The following PIEZO2 variants were observed in gnomAD, a reference collection of about 807,000 sequenced individuals.
The protein encoded by PIEZO2 is piezo-type mechanosensitive ion channel component 2.
Under a neutral mutation model 337.3 loss-of-function variants are expected in PIEZO2, and 172 were observed. That is an observed-to-expected ratio of 0.51 (90% CI 0.45 to 0.58). The LOEUF (loss-of-function observed/expected upper bound fraction) is 0.58, where lower values mean the gene tolerates loss of function less well. Among genes scored for constraint, PIEZO2 ranks in the 20% least tolerant of loss-of-function variants. The pLI is 0.00. For missense variants in PIEZO2, 3,028 were observed against 3,391.3 expected, an observed-to-expected ratio of 0.89 and a Z score of 2.66; for synonymous variants, 1,251 against 1,228.5, an observed-to-expected ratio of 1.02 and a Z score of -0.38.
chr18:11,014,965 T>A (rs2036059026), intron 2 of PIEZO2, among the ~76,000 whole-genome samples: 1 of 135,868 alleles, frequency 7.4e-6, no homozygotes, highest in Non-Finnish European at 1.6e-5. Flanking sequence ...CATGTCACCC[T>A]GGGTGGGACA....
chr18:10,905,374 C>G (rs768859169), intron 4 of PIEZO2, among the ~76,000 whole-genome samples: 1 of 151,888 alleles, frequency 6.6e-6, no homozygotes, highest in Non-Finnish European at 1.5e-5. Context: ...ACCTGAGGTC[C>G]GGAGTTTGAG....
intron 21 of PIEZO2, among the ~76,000 whole-genome samples, chr18:10,769,308 G>T (rs1201168142): frequency 6.6e-6 from 1 of 152,166 alleles, no homozygotes; most frequent in African/African-American, 2.4e-5. Flanking sequence ...TTCCCACTTG[G>T]CAATGATTCC....
At chr18:10,839,202 C>G (rs1437056165) in intron 7 of PIEZO2, among the ~76,000 whole-genome samples, 1 of 152,170 alleles carries the variant, frequency 6.6e-6, no homozygotes, top group Non-Finnish European at 1.5e-5. Context: ...AGTCTGCTGG[C>G]CTCAAATCAT....
At chr18:10,812,023 C>CG (rs2040209624) in intron 7 of PIEZO2, among the ~76,000 whole-genome samples, 1 of 152,052 alleles carries the variant, frequency 6.6e-6, no homozygotes, top group South Asian at 2.1e-4. Context: ...TTAGTAGAGA[C>CG]GGGGTTTCAC....
chr18:10,795,314 A>AT lies in PIEZO2; in HGVS notation c.1528-313dup, dbSNP rs67542356. Reference sequence around the variant, plus strand: ...GTTAAGTAGCAAAATGTGTATTCAAATATTTTATTTTATTTTATTTTATTT... The same window carrying AT: ...GTTAAGTAGCAAAATGTGTATTCAAATTATTTTATTTTATTTTATTTTATTT... On this transcript the variant is annotated intron_variant, in intron 12 of 55. Coordinates refer to ENST00000674853, the MANE Select transcript of PIEZO2 (RefSeq NM_001378183.1). The surrounding 1 kb of genome is among the most constrained non-coding windows in gnomAD (Gnocchi z 4.4). Among the ~76,000 whole-genome samples, 14 of 88,450 alleles carry AT rather than the reference A, an allele frequency of 1.6e-4. 1 individual carries two copies. The highest frequency in any genetic ancestry group is 3.7e-4 in the South Asian group (1 of 2,676). The allele number at this position is 88,450 out of a possible 152,430, so 58.0% of individuals were successfully genotyped here. A position where few individuals can be genotyped will look rare whatever the true frequency, so the allele number is the denominator to read the frequency against.
At position 10,707,921 on chromosome 18, in the gene PIEZO2, T is replaced by C. The variant is rs1217320303; in HGVS notation, c.5588+354A>G. On this transcript the variant is annotated intron_variant, in intron 40 of 55. Transcript: ENST00000674853. The surrounding 1 kb of genome is among the most constrained non-coding windows in gnomAD (Gnocchi z 4.2). ...AAGTTTTCTACCTTTGCAAACAGAG[T>C]TCCCCCTTTGAGTAGTGCCCTCAGA... Among the ~76,000 whole-genome samples the C allele has an allele frequency of 6.6e-6, 1 of 152,124 alleles. No homozygotes were observed. The highest frequency in any genetic ancestry group is 1.5e-5 in the Non-Finnish European group (1 of 68,014).
Position 10,789,238 on chromosome 18 carries a change from G to A in PIEZO2, c.2010C>T (p.Asp670=). 1 of 1,537,328 alleles carries A rather than the reference G, an allele frequency of 6.5e-7. No individual in the cohort carries two copies. The highest frequency in any genetic ancestry group is 1.4e-5 in the African/African-American group (1 of 73,178). The change falls in exon 15 of 56, where the codon GAC becomes GAT. Residue 670 remains aspartate, a synonymous_variant. Transcript: ENST00000674853. ...QEEAEEEDEQ[D]IMKVLGNLVV... ...CCAGATTGCCCAGGACTTTCATGAT[G>A]TCCTGCTCATCTTCTTCTTCAGCTT...
At position 10,727,702 on chromosome 18, in the gene PIEZO2, C is replaced by T. The variant is rs968641450; in HGVS notation, c.5029+3705G>A. On this transcript the variant is annotated intron_variant, in intron 36 of 55. Coordinates refer to ENST00000674853, the MANE Select transcript of PIEZO2 (RefSeq NM_001378183.1). This position sits in a 1 kb window ranked among gnomAD's most constrained non-coding sequence, Gnocchi z 6.3. ...AGCCCAAGAGCTCCCTTGGCCCTGT[C>T]CCCACTCCCTCCACTGGCCTCTGCT... 3.3e-5 allele frequency: 5 copies of T among 152,758 alleles called. No homozygotes were observed. The highest frequency in any genetic ancestry group is 5.8e-5 in the Non-Finnish European group (4 of 68,534). The allele number at this position is 152,758 out of a possible 1,614,324, so 9.5% of individuals were successfully genotyped here. A position where few individuals can be genotyped will look rare whatever the true frequency, so the allele number is the denominator to read the frequency against.
rs372697169 is a variant in PIEZO2, at chr18:10,752,717, T to C, written c.4086A>G (p.Lys1362=). 2.0e-6 allele frequency: 3 copies of C among 1,536,932 alleles called. No homozygotes were observed. The African/African-American group carries it at 4.1e-5, about 21-fold the overall frequency. The change falls in exon 28 of 56, where the codon AAA becomes AAG. Residue 1362 remains lysine, a synonymous_variant. Coordinates refer to ENST00000674853, the MANE Select transcript of PIEZO2 (RefSeq NM_001378183.1). ...AGTAGCGCAGGATGCTCTTGATGGG[T>C]TTCAACAGCAAATCGCCCCCAAAGA... ...FLLFGGDLLL[K]PIKSILRYWD...
chr18:11,066,577 G>T (rs1189245505), intron 1 of PIEZO2, among the ~76,000 whole-genome samples: 1 of 152,130 alleles, frequency 6.6e-6, no homozygotes, highest in Non-Finnish European at 1.5e-5. Flanking sequence ...AATGTTATTG[G>T]GGGTGGACTA....
rs1447983432 is a variant in PIEZO2 at position 10,953,007 on chromosome 18, C to T, written c.286+26528G>A. ...ACCTAATGACTGTGATGTTAAACAT[C>T]TTTTAATGTGTTTATTCATCATCTG... On this transcript the variant is annotated intron_variant, in intron 3 of 55. Transcript: ENST00000674853. This position sits in a 1 kb window ranked among gnomAD's most constrained non-coding sequence, Gnocchi z 5.2. Among the ~76,000 whole-genome samples, 1 of 151,440 alleles carries T rather than the reference C, an allele frequency of 6.6e-6. No individual in the cohort carries two copies. The highest frequency in any genetic ancestry group is 1.5e-5 in the Non-Finnish European group (1 of 67,928).
intron 49 of PIEZO2, among the ~76,000 whole-genome samples, chr18:10,684,345 T>G (rs1171417293): frequency 2.6e-5 from 4 of 150,982 alleles, no homozygotes; most frequent in Non-Finnish European, 4.4e-5. Context: ...TTTTGTATTT[T>G]TAGTAGAGAC....
At chr18:10,885,163 G>A (rs1262904342) in intron 4 of PIEZO2, among the ~76,000 whole-genome samples, 1 of 152,150 alleles carries the variant, frequency 6.6e-6, no homozygotes, top group South Asian at 2.1e-4. Flanking sequence ...GGTGGCTCAC[G>A]CCTGTAATCC....
chr18:10,799,144 G>A (rs941737835), intron 11 of PIEZO2, among the ~76,000 whole-genome samples: 1 of 152,226 alleles, frequency 6.6e-6, no homozygotes, highest in African/African-American at 2.4e-5. Flanking sequence ...CTGATAAAGA[G>A]TTATGCGAAA....
chr18:10,898,067 C>A (rs1016303184), intron 4 of PIEZO2, among the ~76,000 whole-genome samples: 3 of 152,208 alleles, frequency 2.0e-5, no homozygotes, highest in Non-Finnish European at 4.4e-5. Flanking sequence ...TATTTTATAT[C>A]TTCTTTGCAT....
At chr18:10,761,833 C>T (rs2038147151) in intron 23 of PIEZO2, among the ~76,000 whole-genome samples, 1 of 152,078 alleles carries the variant, frequency 6.6e-6, no homozygotes, top group Non-Finnish European at 1.5e-5. Flanking sequence ...GAGGCTGTAC[C>T]CTTAAATGCA....
intron 7 of PIEZO2, among the ~76,000 whole-genome samples, chr18:10,826,294 AC>A (rs1183615990): frequency 6.6e-6 from 1 of 152,208 alleles, no homozygotes; most frequent in Non-Finnish European, 1.5e-5. Flanking sequence ...TATCCATATC[AC>A]CATCTGTATT....
At chr18:10,986,832 CA>C (rs58952556) in intron 2 of PIEZO2, among the ~76,000 whole-genome samples, 3,495 of 151,234 alleles carry the variant, frequency 0.023, 55 homozygotes, top group Middle Eastern at 0.071. Flanking sequence ...AAAAATCTAC[CA>C]AAAAAACTAT....
chr18:10,901,416 T>TCACA (rs1253878950), intron 4 of PIEZO2, among the ~76,000 whole-genome samples: 1 of 120,344 alleles, frequency 8.3e-6, no homozygotes, highest in Non-Finnish European at 1.7e-5. Context: ...CTACTTCTAT[T>TCACA]CACACACACA....
Sources: gnomAD v4.1 joint callset for allele counts (sites outside exome capture counted in the v4.1 genomes callset) on GRCh38, gnomAD v4.1.1 for gene constraint, Gnocchi (gnomAD v3.1) non-coding constraint, MANE v1.5 for transcripts, NCBI Gene and HGNC (gene_info 2026-07-23, HGNC 2026-07-21) for gene names.